The following SGCG variants were observed in gnomAD, a reference collection of about 807,000 sequenced individuals.
SGCG encodes the protein gamma-sarcoglycan.
SGCG carries 26 observed loss-of-function variants against 29.3 expected under a neutral mutation model. That is an observed-to-expected ratio of 0.89 (90% CI 0.65 to 1.23). SGCG has a LOEUF of 1.23. Among genes scored for constraint, SGCG ranks in the 50% most tolerant of loss-of-function variants. The pLI is 0.00. For missense variants in SGCG, 353 were observed against 356.0 expected (o/e 0.99, Z 0.07); for synonymous variants, 145 against 129.7 (o/e 1.12, Z -0.80).
At chr13:23,222,614 C>T (rs929772433) in intron 2 of SGCG, among the ~76,000 whole-genome samples, 2 of 151,518 alleles carry the variant, frequency 1.3e-5, no homozygotes, top group East Asian at 4.0e-4. Context: ...TCACTTGAGA[C>T]CAGGAGTTTG....
At position 23,262,644 on chromosome 13, in the gene SGCG, C is replaced by G. The variant is rs550386526; in HGVS notation, c.385+11927C>G. Among the ~76,000 whole-genome samples, 3 of 151,984 alleles carry G rather than the reference C, an allele frequency of 2.0e-5. No homozygotes were observed. The East Asian group carries it at 5.8e-4, about 29-fold the overall frequency. ...AAGAAAACTGGACTTAAACTGTACT[C>G]TAGAACAAATACACAAAATATATTT... On this transcript the variant is annotated intron_variant, in intron 4 of 7. Transcript: ENST00000218867.
At chr13:23,302,278 T>C (rs933255849) in intron 6 of SGCG, among the ~76,000 whole-genome samples, 6 of 151,504 alleles carry the variant, frequency 4.0e-5, no homozygotes, top group African/African-American at 1.4e-4. Flanking sequence ...TAATTATATA[T>C]ATAATTACTT....
Position 23,324,788 on chromosome 13 carries a change from T to C in SGCG, c.*247T>C. Reference sequence around the variant, plus strand: ...CAATGTGTTTTTCCACTGGATTAATTTTCACCGGAACAATTGCGAATTCTC... The same window carrying C: ...CAATGTGTTTTTCCACTGGATTAATCTTCACCGGAACAATTGCGAATTCTC... On this transcript the variant is annotated 3_prime_UTR_variant, in exon 8 of 8. Coordinates refer to ENST00000218867, the MANE Select transcript of SGCG (RefSeq NM_000231.3). 1 of 517,154 alleles carries C rather than the reference T, an allele frequency of 1.9e-6. No homozygotes were observed. The highest frequency in any genetic ancestry group is 3.7e-5 in the East Asian group (1 of 27,332). 32.0% of individuals were successfully genotyped at this position (517,154 alleles called of 1,614,324 possible).
intron 1 of SGCG, among the ~76,000 whole-genome samples, chr13:23,186,508 A>G (rs573154163): frequency 6.6e-6 from 1 of 152,222 alleles, no homozygotes; most frequent in Admixed American, 6.5e-5. Flanking sequence ...TGGGGATGGG[A>G]GGCACATACT....
chr13:23,164,403 C>T, the SGCG span, among the ~76,000 whole-genome samples: 247 of 152,286 alleles, frequency 1.6e-3, no homozygotes, highest in African/African-American at 5.5e-3. Context: ...CACTTTCATA[C>T]ACACTCTGCA....
chr13:23,198,769 C>A (rs148105821), intron 1 of SGCG, among the ~76,000 whole-genome samples: 4,663 of 150,742 alleles, frequency 0.031, 174 homozygotes, highest in East Asian at 0.2. Context: ...TCGCTTGAAC[C>A]CGGGAGGTGG....
the SGCG span, among the ~76,000 whole-genome samples, chr13:23,164,977 C>T: frequency 6.6e-6 from 1 of 152,212 alleles, no homozygotes; most frequent in African/African-American, 2.4e-5. Context: ...ACTCAGCCCT[C>T]TCCCTCTCCT....
intron 6 of SGCG, among the ~76,000 whole-genome samples, chr13:23,298,041 A>G (rs73170804): frequency 0.37 from 55,541 of 149,752 alleles, 10,727 homozygotes; most frequent in East Asian, 0.79. Flanking sequence ...CACCGCGGCC[A>G]GCCAACAATC....
intron 5 of SGCG, among the ~76,000 whole-genome samples, chr13:23,281,816 G>T (rs1198801911): frequency 6.6e-6 from 1 of 152,152 alleles, no homozygotes; most frequent in African/African-American, 2.4e-5. Context: ...AGGCAGTAAC[G>T]CTCGCTGGCC....
intron 6 of SGCG, among the ~76,000 whole-genome samples, chr13:23,302,309 A>G (rs1303882440): frequency 6.6e-6 from 1 of 151,688 alleles, no homozygotes; most frequent in Non-Finnish European, 1.5e-5. Context: ...TAGAATTTTT[A>G]AAATTTCTTT....
At chr13:23,183,092 CTGCCA>C (rs1320533564) in intron 1 of SGCG, among the ~76,000 whole-genome samples, 3 of 152,238 alleles carry the variant, frequency 2.0e-5, no homozygotes, top group Non-Finnish European at 4.4e-5. Context: ...TGGAGCCAGA[CTGCCA>C]TTTGACCTTG....
At chr13:23,231,878 G>A (rs1187089219) in intron 2 of SGCG, among the ~76,000 whole-genome samples, 1 of 152,086 alleles carries the variant, frequency 6.6e-6, no homozygotes, top group Non-Finnish European at 1.5e-5. Context: ...CAACATTTTG[G>A]GAAGCTGAGG....
intron 2 of SGCG, among the ~76,000 whole-genome samples, chr13:23,210,379 G>A (rs973056094): frequency 7.2e-5 from 11 of 151,928 alleles, no homozygotes; most frequent in Non-Finnish European, 1.6e-4. Flanking sequence ...TTATTTTTGT[G>A]ACTTACCATT....
At chr13:23,264,959 C>T (rs1880582385) in intron 4 of SGCG, among the ~76,000 whole-genome samples, 1 of 152,060 alleles carries the variant, frequency 6.6e-6, no homozygotes, top group Non-Finnish European at 1.5e-5. Context: ...AAATCTAAGA[C>T]TTGAAATCAT....
chr13:23,268,413 T>TA (rs1451322356), intron 4 of SGCG: 1 of 152,410 alleles, frequency 6.6e-6, no homozygotes, highest in Admixed American at 6.5e-5. Context: ...TTGATTCTGT[T>TA]CTTCTGAGTG....
In SGCG at chr13:23,325,071, T is replaced by C. The variant is rs1368425612; in HGVS notation, c.*530T>C. On this transcript the variant is annotated 3_prime_UTR_variant, in exon 8 of 8. Transcript: ENST00000218867. ...AGTTTTGAAGGGAATTTGAGGTTGA[T>C]CTGGTTTTCAAGATGTAGTTAAAGG... 6.0e-6 allele frequency: 1 copy of C among 167,318 alleles called. No individual in the cohort carries two copies. Among genetic ancestry groups the C allele is most frequent in the Non-Finnish European group, 1.3e-5 (1 of 76,008 alleles). 10.4% of individuals were successfully genotyped at this position (167,318 alleles called of 1,614,324 possible).
chr13:23,271,020 A>C (rs1272649789), intron 4 of SGCG, among the ~76,000 whole-genome samples: 1 of 152,032 alleles, frequency 6.6e-6, no homozygotes, highest in Non-Finnish European at 1.5e-5. Context: ...TCAGGAGTTC[A>C]AGACCATATG....
intron 3 of SGCG, chr13:23,247,044 G>A (rs1879738682): frequency 6.2e-6 from 1 of 162,276 alleles, no homozygotes; most frequent in Middle Eastern, 8.9e-4. Flanking sequence ...CCCTCACTAG[G>A]TTTCCAAAAG....
chr13:23,168,780 C>T, the SGCG span, among the ~76,000 whole-genome samples: 2 of 152,104 alleles, frequency 1.3e-5, no homozygotes, highest in Admixed American at 6.5e-5. Flanking sequence ...CTAAATAAGG[C>T]ATGATTGATA....
Sources: allele counts gnomAD v4.1 joint callset (sites outside exome capture counted in the v4.1 genomes callset), GRCh38; gene constraint gnomAD v4.1.1; transcripts MANE v1.5; gene names NCBI Gene and HGNC (gene_info 2026-07-23, HGNC 2026-07-21).